Variants in GABRA1 observed in about 807,000 individuals in gnomAD.
GABRA1 encodes gamma-aminobutyric acid receptor subunit alpha-1.
In GABRA1, 9 loss-of-function variants were observed where a neutral mutation model predicts 48.9. The observed-to-expected ratio is 0.18, with a 90% CI of 0.11 to 0.32. The LOEUF (loss-of-function observed/expected upper bound fraction) is 0.32, where lower values mean the gene tolerates loss of function less well. Ranked by LOEUF, GABRA1 falls within the 10% of genes least tolerant of loss-of-function variation. GABRA1 has a pLI of 1.00. For missense variants in GABRA1, 285 were observed against 553.8 expected, an observed-to-expected ratio of 0.51 and a Z score of 4.87; for synonymous variants, 210 against 198.7, an observed-to-expected ratio of 1.06 and a Z score of -0.48.
chr5:161,884,904 C>T (rs1754777561), intron 7 of GABRA1, among the ~76,000 whole-genome samples: 1 of 152,116 alleles, frequency 6.6e-6, no homozygotes, highest in Non-Finnish European at 1.5e-5. Context: ...TGGAGGCCTT[C>T]CTCACCTTTG....
At chr5:161,856,993 G>C (rs1158445699) in intron 3 of GABRA1, among the ~76,000 whole-genome samples, 1 of 150,926 alleles carries the variant, frequency 6.6e-6, no homozygotes, top group African/African-American at 2.4e-5. Context: ...GGTACTTTAA[G>C]TATGACATGC....
intron 7 of GABRA1, among the ~76,000 whole-genome samples, chr5:161,886,383 A>G (rs184843958): frequency 3.0e-4 from 45 of 150,816 alleles, no homozygotes; most frequent in African/African-American, 1.0e-3. Flanking sequence ...TTCATGAGCT[A>G]TTGTGAGATG....
At chr5:161,853,572 C>A (rs532281855) in intron 2 of GABRA1, 1 of 151,866 alleles carries the variant, frequency 6.6e-6, no homozygotes, top group Admixed American at 6.6e-5. Context: ...AAATTTTAAT[C>A]ATTGGGTCAT....
chr5:161,889,425 A>G (rs914490828), intron 7 of GABRA1, among the ~76,000 whole-genome samples: 9 of 152,046 alleles, frequency 5.9e-5, no homozygotes, highest in African/African-American at 2.2e-4. Flanking sequence ...AAAATAGCAG[A>G]TCTGGGTTTT....
intron 4 of GABRA1, among the ~76,000 whole-genome samples, chr5:161,867,804 C>T (rs977442558): frequency 7.2e-5 from 11 of 152,020 alleles, no homozygotes; most frequent in South Asian, 2.1e-4. Flanking sequence ...ATTGACTTTC[C>T]GTTTTTGTAT....
chr5:161,849,694 C>T (rs1043686295), intron 1 of GABRA1, among the ~76,000 whole-genome samples: 5 of 152,094 alleles, frequency 3.3e-5, no homozygotes, highest in African/African-American at 9.7e-5. Flanking sequence ...TAATCACTTA[C>T]CCTACAAAGA....
intron 3 of GABRA1, 110 bp downstream of exon 3, chr5:161,854,380 T>G: frequency 1.4e-6 from 1 of 726,956 alleles, no homozygotes; most frequent in Admixed American, 2.0e-5. Context: ...ACATGTAATT[T>G]AATGACAAAT....
chr5:161,868,335 G>A (rs1255193796), intron 4 of GABRA1, among the ~76,000 whole-genome samples: 1 of 152,058 alleles, frequency 6.6e-6, no homozygotes, highest in Admixed American at 6.6e-5. Context: ...GCATGGAAGA[G>A]CACAGGAGAA....
chr5:161,889,395 A>T (rs889250352), intron 7 of GABRA1, among the ~76,000 whole-genome samples: 2 of 152,092 alleles, frequency 1.3e-5, no homozygotes, highest in African/African-American at 4.8e-5. Context: ...TAAGTGACTT[A>T]TCAAAAGCTA....
chr5:161,868,601 TTA>T (rs1753977201), intron 4 of GABRA1, among the ~76,000 whole-genome samples: 2 of 152,080 alleles, frequency 1.3e-5, no homozygotes, highest in Admixed American at 6.6e-5. Context: ...ATCTTACTAC[TTA>T]TAATAATGTA....
At chr5:161,863,046 A>T (rs1011187170) in intron 3 of GABRA1, among the ~76,000 whole-genome samples, 3 of 151,886 alleles carry the variant, frequency 2.0e-5, no homozygotes, top group African/African-American at 7.2e-5. Context: ...ATCGCTTCAA[A>T]ACATATGTTA....
chr5:161,892,682 C>CAAACAAACAAACAAACAAACAA (rs761577111), intron 8 of GABRA1, among the ~76,000 whole-genome samples: 11 of 151,862 alleles, frequency 7.2e-5, no homozygotes, highest in Admixed American at 2.6e-4. Flanking sequence ...AACAAACAAA[C>CAAACAAACAAACAAACAAACAA]AAACAAACAA....
intron 5 of GABRA1, among the ~76,000 whole-genome samples, chr5:161,875,205 G>A (rs4428455): frequency 0.27 from 40,589 of 152,032 alleles, 6,439 homozygotes; most frequent in Non-Finnish European, 0.36. Flanking sequence ...CTCAAGCAAG[G>A]ATAAAGTAGT....
chr5:161,872,768 C>T (rs962397143), intron 4 of GABRA1, among the ~76,000 whole-genome samples: 3 of 152,104 alleles, frequency 2.0e-5, no homozygotes, highest in African/African-American at 7.2e-5. Context: ...TACCCTCTAA[C>T]ATGAGTTTGT....
At chr5:161,855,836 C>T (rs767793417) in intron 3 of GABRA1, among the ~76,000 whole-genome samples, 62 of 151,270 alleles carry the variant, frequency 4.1e-4, no homozygotes, top group Non-Finnish European at 1.3e-4. Context: ...CCTAAAAAGT[C>T]AGCAGAATTT....
At chr5:161,858,544 A>G (rs976338827) in intron 3 of GABRA1, among the ~76,000 whole-genome samples, 2 of 151,746 alleles carry the variant, frequency 1.3e-5, no homozygotes, top group African/African-American at 4.8e-5. Flanking sequence ...ACTGATGTAC[A>G]GTTTATCACT....
At chr5:161,863,996 T>C (rs1316161078) in intron 3 of GABRA1, among the ~76,000 whole-genome samples, 1 of 151,984 alleles carries the variant, frequency 6.6e-6, no homozygotes, top group Non-Finnish European at 1.5e-5. Context: ...GCCCCGCCAC[T>C]GGACACTTGC....
chr5:161,851,402 A>C (rs1356306484), intron 2 of GABRA1, among the ~76,000 whole-genome samples: 2 of 152,300 alleles, frequency 1.3e-5, no homozygotes, highest in South Asian at 2.1e-4. Flanking sequence ...AGTGGACTAT[A>C]TGAGACAAAT....
rs11135172 is a variant in GABRA1, at chr5:161,882,746, T to G, written c.703+45T>G. The G allele has an allele frequency of 0.22, 337,767 of 1,550,798 alleles. 38,259 individuals carry two copies. Among genetic ancestry groups the G allele is most frequent in the Middle Eastern group, 0.25 (1,513 of 5,954 alleles). ...TTCAGTTATGGAGGAAGAAGAAGAA[T>G]AATATTTTGTGAGAACTCAATGAAT... is the stretch of plus-strand genomic sequence containing the variant. On this transcript the variant is annotated intron_variant, in intron 7 of 9. Coordinates refer to ENST00000393943, the MANE Select transcript of GABRA1 (RefSeq NM_001127644.2).
Sources: gnomAD v4.1 joint callset for allele counts (sites outside exome capture counted in the v4.1 genomes callset) on GRCh38, gnomAD v4.1.1 for gene constraint, MANE v1.5 for transcripts, NCBI Gene and HGNC (gene_info 2026-07-23, HGNC 2026-07-21) for gene names.